The following BCR variants were observed in gnomAD, a reference collection of about 807,000 sequenced individuals.
The protein encoded by BCR is BCR activator of RhoGEF and GTPase.
A neutral mutation model predicts 138.6 loss-of-function variants in BCR; 58 were observed. The observed-to-expected ratio is 0.42, with a 90% CI of 0.34 to 0.52. The LOEUF is 0.52. Among genes scored for constraint, BCR ranks in the 20% least tolerant of loss-of-function variants. The pLI, the probability that BCR is intolerant of heterozygous loss-of-function variation, is 0.06. For synonymous variants in BCR, 786 were observed against 730.1 expected (o/e 1.08, Z -1.23); for missense variants, 1,599 against 1,727.2 (o/e 0.93, Z 1.32).
chr22:23,280,802 G>C (rs796267026), intron 8 of BCR, among the ~76,000 whole-genome samples: 23 of 152,264 alleles, frequency 1.5e-4, no homozygotes, highest in Admixed American at 8.5e-4. Context: ...CCTGGGATGT[G>C]GGGGGGCTCC....
intron 16 of BCR, among the ~76,000 whole-genome samples, chr22:23,308,386 A>G (rs572632604): frequency 2.6e-5 from 4 of 151,712 alleles, no homozygotes; most frequent in African/African-American, 4.8e-5. Flanking sequence ...GCTCACTGCA[A>G]CCTCCACCTC....
rs1027615998 is a variant in BCR at position 23,181,307 on chromosome 22, G to T, written c.347G>T (p.Arg116Leu). Residue 116 changes from arginine (R) to leucine (L), a missense_variant, in exon 1 of 23, where the codon CGG (arginine) becomes CTG (leucine). Coordinates refer to ENST00000305877, the MANE Select transcript of BCR (RefSeq NM_004327.4). ...CCGCCCGCCGAGGAGCCCGAGGCCC[G>T]GCCCGACGGCGAGGGTTCTCCGGGT... ...DPPPAEEPEA[R>L]PDGEGSPGKA... 2.9e-6 allele frequency: 4 copies of T among 1,359,388 alleles called. No homozygotes were observed. The African/African-American group carries it at 4.6e-5, about 16-fold the overall frequency. The allele number at this position is 1,359,388 out of a possible 1,614,324, so 84.2% of individuals were successfully genotyped here.
chr22:23,274,611 C>T (rs1422155615), intron 8 of BCR, among the ~76,000 whole-genome samples: 2 of 152,138 alleles, frequency 1.3e-5, no homozygotes, highest in East Asian at 3.9e-4. Context: ...ACTGTAGTTG[C>T]CTCAGAACCA....
intron 1 of BCR, among the ~76,000 whole-genome samples, chr22:23,203,247 C>A (rs5759646): frequency 0.12 from 18,438 of 152,154 alleles, 1,236 homozygotes; most frequent in East Asian, 0.24. Flanking sequence ...GGTGGATGGT[C>A]TTAAGACCCT....
At chr22:23,247,350 G>A (rs2073168309) in intron 1 of BCR, among the ~76,000 whole-genome samples, 1 of 152,214 alleles carries the variant, frequency 6.6e-6, no homozygotes, top group South Asian at 2.1e-4. Context: ...GTGTAAACAA[G>A]GATGGAGACC....
chr22:23,190,738 G>T (rs2072402765), intron 1 of BCR, among the ~76,000 whole-genome samples: 2 of 152,044 alleles, frequency 1.3e-5, no homozygotes, highest in South Asian at 4.2e-4. Flanking sequence ...TAGGAGGAGT[G>T]TGAGCCAAGC....
intron 5 of BCR, among the ~76,000 whole-genome samples, chr22:23,269,150 A>G (rs1458732600): frequency 6.6e-6 from 1 of 152,204 alleles, no homozygotes; most frequent in Non-Finnish European, 1.5e-5. Flanking sequence ...AGAAACAGAG[A>G]CCATGAATGG....
At chr22:23,267,836 C>T (rs1200796197) in intron 4 of BCR, among the ~76,000 whole-genome samples, 6 of 152,324 alleles carry the variant, frequency 3.9e-5, no homozygotes, top group East Asian at 1.9e-4. Context: ...TACAGCCGGT[C>T]GGTCTCCCCC....
intron 1 of BCR, among the ~76,000 whole-genome samples, chr22:23,238,911 A>G (rs907571541): frequency 1.8e-5 from 2 of 110,048 alleles, no homozygotes; most frequent in Admixed American, 1.9e-4. Flanking sequence ...CGAGTCTCAA[A>G]CTGTCCTCTG....
At chr22:23,267,504 C>G (rs192313760) in intron 4 of BCR, among the ~76,000 whole-genome samples, 1 of 152,294 alleles carries the variant, frequency 6.6e-6, no homozygotes, top group East Asian at 1.9e-4. Context: ...AATGCAAATG[C>G]ACATGGAAAT....
At chr22:23,309,275 A>G in intron 16 of BCR, 149 bp from the exon 17 acceptor site, 3 of 753,036 alleles carry the variant, frequency 4.0e-6, no homozygotes, top group Non-Finnish European at 6.8e-6. Flanking sequence ...TCCTTACTCT[A>G]CCTCTGTTGG....
At chr22:23,240,302 C>CGTGTGTGTGTGT (rs200491524) in intron 1 of BCR, among the ~76,000 whole-genome samples, 287 of 144,108 alleles carry the variant, frequency 2.0e-3, no homozygotes, top group African/African-American at 6.9e-3. Context: ...CCTGGCTGAT[C>CGTGTGTGTGTGT]GTGTGTGTGT....
intron 1 of BCR, among the ~76,000 whole-genome samples, chr22:23,197,204 AGTACG>A (rs971050716): frequency 1.8e-4 from 27 of 152,324 alleles, no homozygotes; most frequent in African/African-American, 5.8e-4. Flanking sequence ...TACGGTATTC[AGTACG>A]GTAACATGCT....
chr22:23,274,842 A>C (rs893277169), intron 8 of BCR, among the ~76,000 whole-genome samples: 2 of 138,472 alleles, frequency 1.4e-5, no homozygotes, highest in African/African-American at 5.4e-5. Flanking sequence ...CAGGAGGCGG[A>C]GTTTGCAGTG....
intron 1 of BCR, among the ~76,000 whole-genome samples, chr22:23,204,080 G>T (rs1422200278): frequency 2.0e-5 from 3 of 152,132 alleles, no homozygotes; most frequent in Non-Finnish European, 2.9e-5. Flanking sequence ...ATGGTGTCAT[G>T]GGCTTGGGGA....
At chr22:23,240,422 C>A (rs9624064) in intron 1 of BCR, among the ~76,000 whole-genome samples, 1 of 150,890 alleles carries the variant, frequency 6.6e-6, no homozygotes. Context: ...GAGGCTGAGG[C>A]GGGTGGATCA....
At chr22:23,198,050 G>A (rs1486286239) in intron 1 of BCR, among the ~76,000 whole-genome samples, 2 of 152,132 alleles carry the variant, frequency 1.3e-5, no homozygotes, top group Admixed American at 6.5e-5. Context: ...CTTGCGTCCT[G>A]GGGGAGGTCA....
chr22:23,193,406 A>G (rs1408019099), intron 1 of BCR, among the ~76,000 whole-genome samples: 1 of 152,246 alleles, frequency 6.6e-6, no homozygotes, highest in South Asian at 2.1e-4. Context: ...GGTGCAGACC[A>G]TCTGGCCTCC....
At chr22:23,195,640 A>G (rs1489907977) in intron 1 of BCR, among the ~76,000 whole-genome samples, 1 of 152,034 alleles carries the variant, frequency 6.6e-6, no homozygotes, top group African/African-American at 2.4e-5. Flanking sequence ...TAATCCCAGC[A>G]CTTTGGGAGG....
Sources: allele counts gnomAD v4.1 joint callset (sites outside exome capture counted in the v4.1 genomes callset), GRCh38; gene constraint gnomAD v4.1.1; transcripts MANE v1.5; gene names NCBI Gene and HGNC (gene_info 2026-07-23, HGNC 2026-07-21).